Variants in ZBTB10 observed in about 807,000 individuals in gnomAD.
ZBTB10 encodes the protein zinc finger and BTB domain containing 10.
ZBTB10 carries 32 observed loss-of-function variants against 76.4 expected under a neutral mutation model. That is an observed-to-expected ratio of 0.42 (90% CI 0.32 to 0.56). ZBTB10 has a LOEUF of 0.56. ZBTB10 is among the 20% of genes least tolerant of loss of function. The pLI is 0.14. For missense variants in ZBTB10, 1,057 were observed against 1,098.5 expected (o/e 0.96, Z 0.53); for synonymous variants, 523 against 432.9 (o/e 1.21, Z -2.58).
Position 80,519,623 on chromosome 8 carries a change from A to G in ZBTB10, c.*95A>G. ...CTTGAAGGCTTGCAAAATATGGTAC[A>G]TGCTGGATAGTAGTTATGTTGCTGT... On this transcript the variant is annotated 3_prime_UTR_variant, in exon 6 of 6. Coordinates refer to ENST00000455036, the MANE Select transcript of ZBTB10 (RefSeq NM_001105539.3). 2 of 1,320,854 alleles carry G rather than the reference A, an allele frequency of 1.5e-6. No individual in the cohort carries two copies. The highest frequency in any genetic ancestry group is 2.0e-6 in the Non-Finnish European group (2 of 976,810). The allele number at this position is 1,320,854 out of a possible 1,614,324, so 81.8% of individuals were successfully genotyped here.
chr8:80,513,564 T>C (rs1445447707), intron 2 of ZBTB10, among the ~76,000 whole-genome samples: 1 of 152,234 alleles, frequency 6.6e-6, no homozygotes, highest in Non-Finnish European at 1.5e-5. Flanking sequence ...AGTACCATAA[T>C]TGTAACACTT....
Position 80,487,413 on chromosome 8 carries a change from C to A in ZBTB10, c.603C>A (p.Gly201=), listed in dbSNP as rs776169293. The change falls in exon 1 of 6, where the codon GGC becomes GGA. Residue 201 remains glycine, a synonymous_variant. Coordinates refer to ENST00000455036, the MANE Select transcript of ZBTB10 (RefSeq NM_001105539.3). ...ASLGDGSGAE[G]GSCSSSRRSG... is the part of the protein sequence containing the mutation. Reference sequence around the variant, plus strand: ...TGGGCGACGGCAGCGGGGCGGAAGGCGGCAGCTGCAGCAGCAGCAGGCGGT... The same window carrying A: ...TGGGCGACGGCAGCGGGGCGGAAGGAGGCAGCTGCAGCAGCAGCAGGCGGT... 7.1e-6 allele frequency: 11 copies of A among 1,539,684 alleles called. No individual in the cohort carries two copies. The South Asian group carries it at 1.3e-4, about 19-fold the overall frequency.
chr8:80,493,207 G>GCGCGCGCGCGCGCGCGCGCACA (rs375071529), intron 1 of ZBTB10, among the ~76,000 whole-genome samples: 9 of 125,238 alleles, frequency 7.2e-5, no homozygotes, highest in Non-Finnish European at 1.2e-4. Context: ...GCGCGCGCGC[G>GCGCGCGCGCGCGCGCGCGCACA]CACACACACA....
At chr8:80,508,337 A>G (rs1031766414) in intron 2 of ZBTB10, among the ~76,000 whole-genome samples, 2 of 152,240 alleles carry the variant, frequency 1.3e-5, no homozygotes, top group African/African-American at 4.8e-5. Flanking sequence ...GTAAATTTTC[A>G]TTCAAAGCTT....
chr8:80,523,002 A>G lies in ZBTB10; in HGVS notation c.*3474A>G, dbSNP rs1378980317. 6.6e-6 allele frequency: 1 copy of G among 151,592 alleles called. No individual in the cohort carries two copies. The highest frequency in any genetic ancestry group is 2.1e-4 in the South Asian group (1 of 4,796). 9.4% of individuals were successfully genotyped at this position (151,592 alleles called of 1,614,324 possible). A position where few individuals can be genotyped will look rare whatever the true frequency, so the allele number is the denominator to read the frequency against. On this transcript the variant is annotated 3_prime_UTR_variant, in exon 6 of 6. Coordinates refer to ENST00000455036, the MANE Select transcript of ZBTB10 (RefSeq NM_001105539.3). Reference sequence around the variant, plus strand: ...AACATAGCATGAAGGGTTTAGATTCATTTTTCTGAAAAACGATTAAAAAAA... The same window carrying G: ...AACATAGCATGAAGGGTTTAGATTCGTTTTTCTGAAAAACGATTAAAAAAA...
At chr8:80,515,917 T>G (rs1377911530) in intron 3 of ZBTB10, among the ~76,000 whole-genome samples, 2 of 152,246 alleles carry the variant, frequency 1.3e-5, no homozygotes, top group African/African-American at 4.8e-5. Flanking sequence ...GCCACTCTTG[T>G]AATTCCTACA....
chr8:80,501,676 ATGTGTG>A (rs35555021), intron 2 of ZBTB10, among the ~76,000 whole-genome samples: 2 of 151,038 alleles, frequency 1.3e-5, no homozygotes, highest in Non-Finnish European at 3.0e-5. Context: ...TTGTGTATGT[ATGTGTG>A]TGTGTGTGTG....
upstream of ZBTB10, chr8:80,485,660 A>G: frequency 1.3e-6 from 1 of 772,134 alleles, no homozygotes; most frequent in South Asian, 1.9e-5. Flanking sequence ...GCCTCGCACA[A>G]TGCATCAAAG....
At chr8:80,511,774 A>G (rs1347907705) in intron 2 of ZBTB10, among the ~76,000 whole-genome samples, 5 of 152,228 alleles carry the variant, frequency 3.3e-5, no homozygotes, top group Non-Finnish European at 7.3e-5. Flanking sequence ...TTCTTCAGAT[A>G]CCATGAATTA....
At chr8:80,514,479 A>G (rs1816279128) in intron 3 of ZBTB10, among the ~76,000 whole-genome samples, 1 of 152,230 alleles carries the variant, frequency 6.6e-6, no homozygotes, top group Non-Finnish European at 1.5e-5. Flanking sequence ...ATAGAGTAAA[A>G]GAAAGTCATT....
Position 80,487,203 on chromosome 8 carries a change from G to T in ZBTB10, c.393G>T (p.Gly131=). The change falls in exon 1 of 6, where the codon GGG becomes GGT. Residue 131 remains glycine (G), a synonymous_variant. Transcript: ENST00000455036. ...TGGCCTTCCGAGGCGGCGGCGGCGG[G>T]GGTCTCGGCAACAATGGCAGTAGCC... ...RTLAFRGGGG[G]GLGNNGSSRG... is the part of the protein sequence containing the mutation. 1 of 1,541,838 alleles carries T rather than the reference G, an allele frequency of 6.5e-7. No individual in the cohort carries two copies. The highest frequency in any genetic ancestry group is 8.7e-7 in the Non-Finnish European group (1 of 1,146,136).
intron 1 of ZBTB10, among the ~76,000 whole-genome samples, chr8:80,495,534 A>T (rs1464539650): frequency 6.6e-6 from 1 of 152,004 alleles, no homozygotes; most frequent in Non-Finnish European, 1.5e-5. Context: ...CCCACACTTT[A>T]AAAACAAAAA....
chr8:80,508,655 CTTTTG>C (rs1816116978), intron 2 of ZBTB10, among the ~76,000 whole-genome samples: 1 of 152,020 alleles, frequency 6.6e-6, no homozygotes, highest in Non-Finnish European at 1.5e-5. Context: ...GTGAGTGGAT[CTTTTG>C]TTATGTAGGA....
At position 80,518,519 on chromosome 8, in the gene ZBTB10, A is replaced by G; in HGVS notation, c.2077A>G (p.Asn693Asp). The G allele has an allele frequency of 6.4e-7, 1 of 1,553,440 alleles. No individual in the cohort carries two copies. The highest frequency in any genetic ancestry group is 8.7e-7 in the Non-Finnish European group (1 of 1,147,944). The change falls in exon 4 of 6, where the codon AAT becomes GAT. Residue 693 changes from asparagine to aspartate, a missense_variant. Transcript: ENST00000455036. ...GTATGGATTGATACCAGGTGCTTCAAATGATTTCAAGTATGGATTATTGCC... is the reference window on the plus strand; with the variant it reads ...GTATGGATTGATACCAGGTGCTTCAGATGATTTCAAGTATGGATTATTGCC... ...FKYGLIPGASNDFKYGLLPES... is the reference protein window; with the variant it reads ...FKYGLIPGASDDFKYGLLPES...
At chr8:80,486,060 C>T, upstream of ZBTB10, 2 of 1,061,860 alleles carry the variant, frequency 1.9e-6, no homozygotes, top group Non-Finnish European at 2.5e-6. Context: ...CACCCCCGCC[C>T]CCAGGCCGGA....
chr8:80,498,288 C>T (rs1815837969), intron 1 of ZBTB10, among the ~76,000 whole-genome samples: 1 of 152,150 alleles, frequency 6.6e-6, no homozygotes, highest in African/African-American at 2.4e-5. Flanking sequence ...GTTTATTTCT[C>T]CATGTTTTTC....
chr8:80,493,257 G>C (rs896995220), intron 1 of ZBTB10, among the ~76,000 whole-genome samples: 1 of 148,296 alleles, frequency 6.7e-6, no homozygotes, highest in South Asian at 2.1e-4. Flanking sequence ...CCTGAGGAAA[G>C]TGAAGAATGG....
chr8:80,491,971 A>G (rs1353129306), intron 1 of ZBTB10, among the ~76,000 whole-genome samples: 1 of 152,232 alleles, frequency 6.6e-6, no homozygotes, highest in Non-Finnish European at 1.5e-5. Flanking sequence ...TATTGATGTC[A>G]GTAGCTGAGC....
At chr8:80,499,216 C>G (rs973875853) in intron 1 of ZBTB10, among the ~76,000 whole-genome samples, 3 of 151,936 alleles carry the variant, frequency 2.0e-5, no homozygotes, top group Non-Finnish European at 2.9e-5. Flanking sequence ...TTAAGAAATT[C>G]TCAATTCATG....
Sources: allele counts gnomAD v4.1 joint callset (sites outside exome capture counted in the v4.1 genomes callset), GRCh38; gene constraint gnomAD v4.1.1; transcripts MANE v1.5; gene names NCBI Gene and HGNC (gene_info 2026-07-23, HGNC 2026-07-21).